Variants in CHCHD3 observed in about 807,000 individuals in gnomAD.
CHCHD3 encodes coiled-coil-helix-coiled-coil-helix domain containing 3.
Under a neutral mutation model 38.2 loss-of-function variants are expected in CHCHD3, and 20 were observed. The observed-to-expected ratio is 0.52, with a 90% CI of 0.37 to 0.76. The LOEUF is 0.76. Among genes scored for constraint, CHCHD3 ranks in the 30% least tolerant of loss-of-function variants. The pLI, the probability that CHCHD3 is intolerant of heterozygous loss-of-function variation, is 0.00. For missense variants in CHCHD3, 245 were observed against 279.2 expected (o/e 0.88, Z 0.87); for synonymous variants, 82 against 100.0 (o/e 0.82, Z 1.07).
intron 4 of CHCHD3, among the ~76,000 whole-genome samples, chr7:132,963,451 G>A (rs1811375064): frequency 2.0e-5 from 3 of 148,518 alleles, no homozygotes; most frequent in Admixed American, 1.4e-4. Context: ...CTAACACGGT[G>A]AAACTCCGTC....
At chr7:132,988,902 G>A in intron 3 of CHCHD3, among the ~76,000 whole-genome samples, 1 of 151,920 alleles carries the variant, frequency 6.6e-6, no homozygotes, top group East Asian at 1.9e-4. Context: ...CTGGGCAACA[G>A]AATGAAACCC....
Position 133,068,497 on chromosome 7 carries a change from C to T in CHCHD3, c.169+1645G>A, listed in dbSNP as rs955196480. On this transcript the variant is annotated intron_variant, in intron 2 of 7. Coordinates refer to ENST00000262570, the MANE Select transcript of CHCHD3 (RefSeq NM_017812.4). ...TGGAAGCCCAGGGAAGCAGCTCAGA[C>T]TATATTCTGTGTACCATGGAGAGCC... Among the ~76,000 whole-genome samples the T allele has an allele frequency of 3.3e-5, 5 of 152,334 alleles. No individual in the cohort carries two copies. The East Asian group carries it at 9.6e-4, about 29-fold the overall frequency.
chr7:133,054,027 G>A (rs1814241913), intron 2 of CHCHD3, among the ~76,000 whole-genome samples: 1 of 152,158 alleles, frequency 6.6e-6, no homozygotes, highest in Admixed American at 6.6e-5. Flanking sequence ...GTGCACAAAT[G>A]CTATTTTAAT....
intron 2 of CHCHD3, among the ~76,000 whole-genome samples, chr7:133,058,706 C>T (rs1288959043): frequency 6.6e-6 from 1 of 152,026 alleles, no homozygotes; most frequent in Non-Finnish European, 1.5e-5. Context: ...ACCACTATGT[C>T]AACAAAAAAA....
At chr7:132,953,826 C>T (rs983816791) in intron 4 of CHCHD3, among the ~76,000 whole-genome samples, 3 of 152,186 alleles carry the variant, frequency 2.0e-5, no homozygotes, top group Non-Finnish European at 4.4e-5. Flanking sequence ...GGTGACCATA[C>T]GTCTTGGTTT....
At chr7:132,817,193 C>T (rs1257763750) in intron 6 of CHCHD3, among the ~76,000 whole-genome samples, 3 of 151,892 alleles carry the variant, frequency 2.0e-5, no homozygotes, top group African/African-American at 4.8e-5. Flanking sequence ...TTCCTGGGGT[C>T]CCAAGCTTTC....
At chr7:133,076,283 G>A (rs984387463) in intron 1 of CHCHD3, among the ~76,000 whole-genome samples, 1 of 151,968 alleles carries the variant, frequency 6.6e-6, no homozygotes, top group African/African-American at 2.4e-5. Context: ...ATTGATACTG[G>A]GAATTACACC....
intron 2 of CHCHD3, among the ~76,000 whole-genome samples, chr7:133,054,082 C>T (rs561547594): frequency 1.3e-5 from 2 of 152,110 alleles, no homozygotes; most frequent in African/African-American, 4.8e-5. Context: ...ATGAGAAGTA[C>T]AAGATCAACA....
At chr7:132,949,269 C>T (rs1431172190) in intron 4 of CHCHD3, among the ~76,000 whole-genome samples, 1 of 152,078 alleles carries the variant, frequency 6.6e-6, no homozygotes, top group African/African-American at 2.4e-5. Flanking sequence ...CAACTGAGTA[C>T]TGACCAACAG....
chr7:132,893,156 C>T (rs1809410424), intron 4 of CHCHD3, among the ~76,000 whole-genome samples: 1 of 152,176 alleles, frequency 6.6e-6, no homozygotes, highest in Non-Finnish European at 1.5e-5. Context: ...GGGGGCAGTA[C>T]CCTGCAAAAA....
chr7:132,833,769 G>A (rs1807706742), intron 6 of CHCHD3, among the ~76,000 whole-genome samples: 2 of 152,136 alleles, frequency 1.3e-5, no homozygotes, highest in South Asian at 2.1e-4. Flanking sequence ...AAAATAATTC[G>A]ATTAGCTATC....
chr7:132,966,935 G>A (rs1445218343), intron 4 of CHCHD3, among the ~76,000 whole-genome samples: 2 of 152,194 alleles, frequency 1.3e-5, no homozygotes, highest in Non-Finnish European at 1.5e-5. Context: ...ACCAGGCAAT[G>A]AAGTAAATAT....
intron 4 of CHCHD3, among the ~76,000 whole-genome samples, chr7:132,968,581 A>G (rs1464056286): frequency 6.6e-6 from 1 of 152,246 alleles, no homozygotes; most frequent in African/African-American, 2.4e-5. Context: ...CAACATACAT[A>G]ACCAGAGAGA....
intron 6 of CHCHD3, among the ~76,000 whole-genome samples, chr7:132,821,647 T>C (rs1295040071): frequency 6.6e-6 from 1 of 150,864 alleles, no homozygotes; most frequent in Non-Finnish European, 1.5e-5. Context: ...CTGTAGCATA[T>C]AAAGGTAGAA....
intron 4 of CHCHD3, among the ~76,000 whole-genome samples, chr7:132,961,545 T>G (rs1811321310): frequency 6.6e-6 from 1 of 152,208 alleles, no homozygotes; most frequent in Non-Finnish European, 1.5e-5. Flanking sequence ...ATAAAATGAC[T>G]ACCACAATCA....
At chr7:133,030,270 T>C (rs1320594350) in intron 2 of CHCHD3, among the ~76,000 whole-genome samples, 3 of 152,226 alleles carry the variant, frequency 2.0e-5, no homozygotes, top group Admixed American at 6.5e-5. Context: ...GTATTTCTTC[T>C]GATAGGTCTG....
At chr7:133,063,694 C>T (rs1485490708) in intron 2 of CHCHD3, among the ~76,000 whole-genome samples, 5 of 152,068 alleles carry the variant, frequency 3.3e-5, no homozygotes, top group South Asian at 4.1e-4. Flanking sequence ...TATATCTTTA[C>T]GAATAAAAAT....
At chr7:132,792,767 G>A (rs550625329) in intron 7 of CHCHD3, among the ~76,000 whole-genome samples, 2 of 152,302 alleles carry the variant, frequency 1.3e-5, no homozygotes, top group East Asian at 3.9e-4. Context: ...TGAAGCTCAA[G>A]TCACTATAAT....
At chr7:132,882,032 A>G (rs144948026) in intron 5 of CHCHD3, among the ~76,000 whole-genome samples, 71 of 152,328 alleles carry the variant, frequency 4.7e-4, no homozygotes, top group African/African-American at 1.6e-3. Flanking sequence ...AGGAAGTTGA[A>G]TAATATTAAT....
Sources: gnomAD v4.1 joint callset for allele counts (sites outside exome capture counted in the v4.1 genomes callset) on GRCh38, gnomAD v4.1.1 for gene constraint, MANE v1.5 for transcripts, NCBI Gene and HGNC (gene_info 2026-07-23, HGNC 2026-07-21) for gene names.